Variants in GRIP1 observed in about 807,000 individuals in gnomAD.
The protein encoded by GRIP1 is glutamate receptor interacting protein 1, also known as glutamate receptor-interacting protein 1.
GRIP1 carries 45 observed loss-of-function variants against 129.9 expected under a neutral mutation model. The observed-to-expected ratio is 0.35, with a 90% CI of 0.27 to 0.44. GRIP1 has a LOEUF of 0.44. Ranked by LOEUF, GRIP1 falls within the 20% of genes least tolerant of loss-of-function variation. The pLI is 1.00. For missense variants in GRIP1, 1,196 were observed against 1,396.8 expected (o/e 0.86, Z 2.29); for synonymous variants, 530 against 520.8 (o/e 1.02, Z -0.24).
chr12:66,682,621 C>T (rs79822461), upstream of GRIP1, among the ~76,000 whole-genome samples: 8,155 of 152,136 alleles, frequency 0.054, 261 homozygotes, highest in Middle Eastern at 0.085. Flanking sequence ...CTTGATTCTC[C>T]GCCATTGTAT....
chr12:66,520,405 C>A (rs1220537982), intron 5 of GRIP1, among the ~76,000 whole-genome samples: 1 of 152,136 alleles, frequency 6.6e-6, no homozygotes, highest in African/African-American at 2.4e-5. Flanking sequence ...ACTCCAAAAA[C>A]TTTTATGTTC....
intron 1 of GRIP1, among the ~76,000 whole-genome samples, chr12:66,788,033 C>A (rs1247541977): frequency 6.6e-6 from 1 of 151,706 alleles, no homozygotes; most frequent in Non-Finnish European, 1.5e-5. Context: ...GGGAAGTGAC[C>A]CAGGATTGGT....
At chr12:66,530,714 A>G (rs2139106843) in intron 4 of GRIP1, among the ~76,000 whole-genome samples, 1 of 129,284 alleles carries the variant, frequency 7.7e-6, no homozygotes, top group Non-Finnish European at 1.6e-5. Flanking sequence ...TAGTTGTACT[A>G]TATACACCAT....
At chr12:66,518,141 T>C (rs1297900049) in intron 5 of GRIP1, among the ~76,000 whole-genome samples, 165 bp from the exon 6 acceptor site, 2 of 152,206 alleles carry the variant, frequency 1.3e-5, no homozygotes, top group Non-Finnish European at 2.9e-5. Context: ...GCTCATTTTA[T>C]ATAGAATATA....
intron 1 of GRIP1, among the ~76,000 whole-genome samples, chr12:66,668,774 G>GA (rs111840988): frequency 0.024 from 3,663 of 150,354 alleles, 97 homozygotes; most frequent in Admixed American, 0.049. Context: ...CTATCAAAAA[G>GA]AAAAAAAAAT....
At chr12:66,868,049 G>A (rs1031355757) in intron 1 of GRIP1, among the ~76,000 whole-genome samples, 1 of 152,116 alleles carries the variant, frequency 6.6e-6, no homozygotes, top group African/African-American at 2.4e-5. Context: ...AATAACAACA[G>A]GTATCACATA....
At chr12:66,613,997 G>A (rs897475052) in intron 1 of GRIP1, among the ~76,000 whole-genome samples, 2 of 152,130 alleles carry the variant, frequency 1.3e-5, no homozygotes, top group Admixed American at 1.3e-4. Flanking sequence ...CAGTATTACA[G>A]GAATCTTCCA....
chr12:66,748,296 C>T (rs951268922), intron 1 of GRIP1, among the ~76,000 whole-genome samples: 4 of 152,158 alleles, frequency 2.6e-5, no homozygotes, highest in African/African-American at 9.7e-5. Flanking sequence ...GGATTGCATG[C>T]GTGAGCCACC....
chr12:66,941,435 T>C (rs548000503), intron 1 of GRIP1, among the ~76,000 whole-genome samples: 7 of 152,370 alleles, frequency 4.6e-5, no homozygotes, highest in African/African-American at 1.7e-4. Context: ...ATAAGGTCAC[T>C]GTTGCCATTT....
intron 1 of GRIP1, among the ~76,000 whole-genome samples, chr12:66,940,155 C>T (rs904892289): frequency 6.6e-6 from 1 of 151,244 alleles, no homozygotes; most frequent in Non-Finnish European, 1.5e-5. Flanking sequence ...AACCTGTGTA[C>T]GTGTGTGTGT....
At chr12:66,350,295 C>T (rs898962329) in intron 24 of GRIP1, among the ~76,000 whole-genome samples, 1 of 151,888 alleles carries the variant, frequency 6.6e-6, no homozygotes, top group East Asian at 1.9e-4. Flanking sequence ...GTCAGGAGTT[C>T]GAGACCAGCC....
chr12:66,353,807 C>T (rs771319426), intron 23 of GRIP1, among the ~76,000 whole-genome samples: 7 of 152,336 alleles, frequency 4.6e-5, no homozygotes, highest in Non-Finnish European at 1.0e-4. Flanking sequence ...TCCTCCCTCC[C>T]TCCTTTTCAG....
chr12:66,612,087 A>G (rs1446077813), intron 1 of GRIP1, among the ~76,000 whole-genome samples: 1 of 152,128 alleles, frequency 6.6e-6, no homozygotes, highest in East Asian at 1.9e-4. Flanking sequence ...AACTTGTGCA[A>G]ATTAACCAAT....
At chr12:66,538,993 G>C in intron 4 of GRIP1, 85 bp downstream of exon 4, 7 of 1,109,138 alleles carry the variant, frequency 6.3e-6, no homozygotes, top group Non-Finnish European at 9.7e-6. Flanking sequence ...GATATATATA[G>C]GGTTTGGTAT....
intron 5 of GRIP1, among the ~76,000 whole-genome samples, chr12:66,520,487 A>T (rs567344067): frequency 7.9e-5 from 12 of 152,336 alleles, no homozygotes; most frequent in Admixed American, 7.2e-4. Flanking sequence ...GGCTTATTGT[A>T]ACTTAAGTTT....
chr12:66,523,364 G>A (rs1284484705), intron 5 of GRIP1, among the ~76,000 whole-genome samples: 1 of 143,338 alleles, frequency 7.0e-6, no homozygotes, highest in African/African-American at 2.6e-5. Context: ...AAGAGAGTGG[G>A]GGCCAATATT....
chr12:66,561,307 A>G (rs758964168), intron 2 of GRIP1, among the ~76,000 whole-genome samples: 4 of 152,176 alleles, frequency 2.6e-5, no homozygotes, highest in Non-Finnish European at 5.9e-5. Context: ...ATAATTGTAC[A>G]TCTTAAAATA....
chr12:66,828,379 T>A (rs2137008822), intron 1 of GRIP1, among the ~76,000 whole-genome samples: 1 of 152,314 alleles, frequency 6.6e-6, no homozygotes, highest in Admixed American at 6.5e-5. Flanking sequence ...GGCCACATCA[T>A]CCATTTATTT....
intron 15 of GRIP1, among the ~76,000 whole-genome samples, chr12:66,418,236 A>G (rs2057679068): frequency 6.6e-6 from 1 of 152,194 alleles, no homozygotes; most frequent in Non-Finnish European, 1.5e-5. Context: ...GAATATCAAC[A>G]TGCAGAAGAA....
Sources: allele counts gnomAD v4.1 joint callset (sites outside exome capture counted in the v4.1 genomes callset), GRCh38; gene constraint gnomAD v4.1.1; transcripts MANE v1.5; gene names NCBI Gene and HGNC (gene_info 2026-07-23, HGNC 2026-07-21).